RASEF: variants seen among roughly 807,000 people sequenced by gnomAD.
RASEF encodes the protein ras and EF-hand domain-containing protein.
In RASEF, 68 loss-of-function variants were observed where a neutral mutation model predicts 90.1. The observed-to-expected ratio is 0.75, with a 90% CI of 0.62 to 0.92. The LOEUF is 0.92. Among genes scored for constraint, RASEF ranks in the 40% least tolerant of loss-of-function variants. The probability of loss-of-function intolerance (pLI) is 0.00; values close to 1 mark genes in which losing one functional copy is unlikely to be tolerated. For synonymous variants in RASEF, 331 were observed against 345.2 expected (o/e 0.96, Z 0.46); for missense variants, 949 against 937.2 (o/e 1.01, Z -0.16).
At chr9:83,153,529 T>C in the RASEF span, among the ~76,000 whole-genome samples, 1 of 152,300 alleles carries the variant, frequency 6.6e-6, no homozygotes, top group African/African-American at 2.4e-5. Context: ...GAGCCCCTTT[T>C]CCTTTGTTTC....
chr9:83,048,149 C>T (rs554131856), intron 1 of RASEF: 67 of 985,286 alleles, frequency 6.8e-5, no homozygotes, highest in Non-Finnish European at 8.0e-5. Flanking sequence ...CGTTTGTAAA[C>T]CCTCCTCCAT....
At chr9:83,215,202 G>A in the RASEF span, among the ~76,000 whole-genome samples, 1 of 152,106 alleles carries the variant, frequency 6.6e-6, no homozygotes, top group South Asian at 2.1e-4. Flanking sequence ...CATCCATCCT[G>A]ATGAGAGCCA....
At chr9:82,989,154 T>C (rs11139889) in intron 16 of RASEF, among the ~76,000 whole-genome samples, 2 of 152,286 alleles carry the variant, frequency 1.3e-5, no homozygotes, top group East Asian at 3.9e-4. Flanking sequence ...ATTCTATTAA[T>C]AGAACTCTAA....
In RASEF at chr9:82,979,762, C is replaced by A. The variant is rs1244474609; in HGVS notation, c.*2915G>T. On this transcript the variant is annotated 3_prime_UTR_variant, in exon 17 of 17. Transcript: ENST00000376447. ...CAATGAAAATGTAAACCATATAAAT[C>A]AAAATCATAAAACAATTATTCAATA... 5 of 152,044 alleles carry A rather than the reference C, an allele frequency of 3.3e-5. No individual in the cohort carries two copies. The highest frequency in any genetic ancestry group is 7.4e-5 in the Non-Finnish European group (5 of 68,006). 9.4% of individuals were successfully genotyped at this position (152,044 alleles called of 1,614,324 possible). A position where few individuals can be genotyped will look rare whatever the true frequency, so the allele number is the denominator to read the frequency against.
At chr9:83,187,827 T>A in the RASEF span, among the ~76,000 whole-genome samples, 1 of 152,108 alleles carries the variant, frequency 6.6e-6, no homozygotes, top group African/African-American at 2.4e-5. Flanking sequence ...CTGAATTATT[T>A]CCTCCTTCCA....
chr9:83,044,025 T>TCTG (rs1392482588), intron 1 of RASEF, among the ~76,000 whole-genome samples: 7 of 152,188 alleles, frequency 4.6e-5, no homozygotes, highest in African/African-American at 1.4e-4. Flanking sequence ...ATGGAATACT[T>TCTG]CTGGCTTCCC....
the RASEF span, among the ~76,000 whole-genome samples, chr9:83,140,605 G>A: frequency 6.6e-6 from 1 of 151,976 alleles, no homozygotes; most frequent in Non-Finnish European, 1.5e-5. Flanking sequence ...CCTATCAGCT[G>A]GCAAACACCA....
upstream of RASEF, among the ~76,000 whole-genome samples, chr9:83,067,816 T>C (rs1402103498): frequency 6.6e-6 from 1 of 152,214 alleles, no homozygotes; most frequent in Non-Finnish European, 1.5e-5. Context: ...ATTAGCAAAC[T>C]GTATGTCTCA....
At chr9:83,146,779 A>G in the RASEF span, among the ~76,000 whole-genome samples, 1 of 152,128 alleles carries the variant, frequency 6.6e-6, no homozygotes, top group Non-Finnish European at 1.5e-5. Flanking sequence ...AGGCACAAGT[A>G]TTATGTTGGG....
chr9:83,022,572 T>C, intron 2 of RASEF, 146 bp from the exon 3 acceptor site: 3 of 637,846 alleles, frequency 4.7e-6, no homozygotes, highest in South Asian at 3.9e-5. Flanking sequence ...TCCTTCTACA[T>C]AATAAAATGA....
At chr9:83,148,403 T>A in the RASEF span, among the ~76,000 whole-genome samples, 1 of 151,944 alleles carries the variant, frequency 6.6e-6, no homozygotes. Context: ...AAAGGGAAAA[T>A]TTGGATACAG....
the RASEF span, among the ~76,000 whole-genome samples, chr9:83,149,749 G>A: frequency 3.3e-5 from 5 of 152,162 alleles, no homozygotes; most frequent in South Asian, 2.1e-4. Flanking sequence ...ACAGCCAACC[G>A]CAGCAGATTG....
chr9:83,087,230 TCC>T, the RASEF span, among the ~76,000 whole-genome samples: 1 of 152,102 alleles, frequency 6.6e-6, no homozygotes, highest in Non-Finnish European at 1.5e-5. Flanking sequence ...CGGAATTGTG[TCC>T]CCCAAATTTG....
chr9:83,164,601 A>G, the RASEF span, among the ~76,000 whole-genome samples: 1 of 150,698 alleles, frequency 6.6e-6, no homozygotes, highest in African/African-American at 2.4e-5. Context: ...AAATCAAATT[A>G]GAACCACCAA....
At chr9:83,034,313 C>G (rs572598471) in intron 1 of RASEF, among the ~76,000 whole-genome samples, 1 of 152,308 alleles carries the variant, frequency 6.6e-6, no homozygotes, top group East Asian at 1.9e-4. Flanking sequence ...GCTGAGGCTT[C>G]TCTGGCTTCA....
At chr9:83,117,669 G>T in the RASEF span, among the ~76,000 whole-genome samples, 1 of 152,178 alleles carries the variant, frequency 6.6e-6, no homozygotes, top group Non-Finnish European at 1.5e-5. Context: ...CTTCATGAAG[G>T]TGCCATCTGC....
chr9:82,991,919 A>C (rs1283519451), intron 15 of RASEF, among the ~76,000 whole-genome samples: 7 of 152,214 alleles, frequency 4.6e-5, no homozygotes, highest in Non-Finnish European at 7.3e-5. Flanking sequence ...AAACAATACG[A>C]GGGCAAGGAC....
At chr9:83,144,391 G>GGAAAGAAA in the RASEF span, among the ~76,000 whole-genome samples, 264 of 33,228 alleles carry the variant, frequency 7.9e-3, 20 homozygotes, top group Admixed American at 0.015. Flanking sequence ...AAGAAAGAAA[G>GGAAAGAAA]GAAAGAAAGA....
chr9:83,114,393 G>A, the RASEF span, among the ~76,000 whole-genome samples: 1 of 152,124 alleles, frequency 6.6e-6, no homozygotes, highest in Non-Finnish European at 1.5e-5. Flanking sequence ...AACTGCACAA[G>A]TGTTTGTGGA....
Sources: allele counts gnomAD v4.1 joint callset (sites outside exome capture counted in the v4.1 genomes callset), GRCh38; gene constraint gnomAD v4.1.1; transcripts MANE v1.5; gene names NCBI Gene and HGNC (gene_info 2026-07-23, HGNC 2026-07-21).